Variants in EXOC6 observed in about 807,000 individuals in gnomAD.
EXOC6 encodes exocyst complex component 6.
In EXOC6, 60 loss-of-function variants were observed where a neutral mutation model predicts 112.5. The observed-to-expected ratio is 0.53, with a 90% CI of 0.43 to 0.66. The LOEUF (loss-of-function observed/expected upper bound fraction) is 0.66, where lower values mean the gene tolerates loss of function less well. EXOC6 is among the 30% of genes least tolerant of loss of function. The pLI, the probability that EXOC6 is intolerant of heterozygous loss-of-function variation, is 0.00. For missense variants in EXOC6, 855 were observed against 957.1 expected, an observed-to-expected ratio of 0.89 and a Z score of 1.41; for synonymous variants, 295 against 308.0, an observed-to-expected ratio of 0.96 and a Z score of 0.44.
chr10:93,056,275 C>T (rs979682495), intron 20 of EXOC6, among the ~76,000 whole-genome samples: 11 of 152,118 alleles, frequency 7.2e-5, no homozygotes, highest in Middle Eastern at 3.2e-3. Flanking sequence ...TAAGACACCA[C>T]GGGAAACAAG....
intron 14 of EXOC6, among the ~76,000 whole-genome samples, chr10:92,948,857 A>T (rs1853217548): frequency 6.6e-6 from 1 of 152,228 alleles, no homozygotes; most frequent in African/African-American, 2.4e-5. Context: ...TATTGGTTAA[A>T]TAAGTGATAT....
intron 1 of EXOC6, among the ~76,000 whole-genome samples, chr10:92,855,619 T>C (rs1847562561): frequency 6.6e-6 from 1 of 152,160 alleles, no homozygotes; most frequent in Non-Finnish European, 1.5e-5. Flanking sequence ...TTTTCTTGAG[T>C]TAGTTTTGAT....
chr10:93,047,903 G>A (rs1396042631), intron 20 of EXOC6, among the ~76,000 whole-genome samples: 11 of 151,718 alleles, frequency 7.3e-5, no homozygotes, highest in Admixed American at 5.9e-4. Flanking sequence ...CCAAGATCAC[G>A]CCACTGCACT....
At chr10:92,829,841 C>T (rs1410587127), upstream of EXOC6, among the ~76,000 whole-genome samples, 1 of 152,148 alleles carries the variant, frequency 6.6e-6, no homozygotes, top group Non-Finnish European at 1.5e-5. Flanking sequence ...ATGAGAGTGA[C>T]TTCTGATCAT....
intron 1 of EXOC6, among the ~76,000 whole-genome samples, chr10:92,878,921 G>A (rs1016413086): frequency 2.0e-5 from 3 of 152,042 alleles, no homozygotes; most frequent in Non-Finnish European, 4.4e-5. Flanking sequence ...ACAAACTGAG[G>A]CCACTTGTTA....
intron 20 of EXOC6, among the ~76,000 whole-genome samples, chr10:93,035,425 A>G (rs562821358): frequency 5.5e-4 from 84 of 152,360 alleles, no homozygotes; most frequent in African/African-American, 1.9e-3. Context: ...AAAATTGTTT[A>G]TGCTCACTGT....
intron 13 of EXOC6, among the ~76,000 whole-genome samples, chr10:92,946,612 C>T (rs1853026977): frequency 6.6e-6 from 1 of 152,106 alleles, no homozygotes; most frequent in Non-Finnish European, 1.5e-5. Context: ...CTTTTAATGC[C>T]TACAGAGTGA....
intron 20 of EXOC6, among the ~76,000 whole-genome samples, chr10:93,040,548 G>C (rs1260638811): frequency 2.0e-5 from 3 of 152,152 alleles, no homozygotes; most frequent in African/African-American, 7.2e-5. Context: ...CGCCCGGCCT[G>C]CTTTATCGTT....
intron 18 of EXOC6, among the ~76,000 whole-genome samples, chr10:92,988,800 T>TAC (rs67242778): frequency 0.087 from 12,460 of 142,922 alleles, 557 homozygotes; most frequent in East Asian, 0.11. Context: ...CTACAAAAAA[T>TAC]ACACACACAC....
intron 5 of EXOC6, among the ~76,000 whole-genome samples, chr10:92,906,876 T>C (rs1159402030): frequency 6.6e-6 from 1 of 152,178 alleles, no homozygotes; most frequent in Non-Finnish European, 1.5e-5. Flanking sequence ...TGTATTTTTC[T>C]AGTGGTTATG....
intron 17 of EXOC6, among the ~76,000 whole-genome samples, chr10:92,958,984 C>T (rs892202280): frequency 6.6e-6 from 1 of 152,080 alleles, no homozygotes; most frequent in Non-Finnish European, 1.5e-5. Context: ...ATCCCAGCTA[C>T]TCGGGAGGCT....
intron 6 of EXOC6, among the ~76,000 whole-genome samples, chr10:92,913,046 C>T (rs1044098485): frequency 6.6e-6 from 1 of 152,198 alleles, no homozygotes; most frequent in Non-Finnish European, 1.5e-5. Context: ...CTCATTCTGG[C>T]AGTCCAAACT....
chr10:92,967,151 G>T (rs1371176574), intron 17 of EXOC6, among the ~76,000 whole-genome samples: 2 of 150,678 alleles, frequency 1.3e-5, no homozygotes. Flanking sequence ...TTTTTTTCTT[G>T]TAAATTTGTT....
At chr10:93,053,816 C>G (rs936725294) in intron 20 of EXOC6, among the ~76,000 whole-genome samples, 3 of 152,224 alleles carry the variant, frequency 2.0e-5, no homozygotes, top group African/African-American at 7.2e-5. Context: ...AAGTTTGTTT[C>G]TATTTACTTG....
intron 1 of EXOC6, among the ~76,000 whole-genome samples, chr10:92,888,497 A>G (rs1444428669): frequency 6.6e-6 from 1 of 152,224 alleles, no homozygotes; most frequent in Non-Finnish European, 1.5e-5. Context: ...CAAAAGGGAT[A>G]ACAGTATCTC....
intron 1 of EXOC6, among the ~76,000 whole-genome samples, chr10:92,886,453 G>A (rs1448403280): frequency 1.3e-5 from 2 of 152,194 alleles, no homozygotes; most frequent in African/African-American, 4.8e-5. Flanking sequence ...GCACATCAGG[G>A]ATTCCCTATT....
rs774175805 is a variant in EXOC6 at position 93,058,211 on chromosome 10, A to AT, written c.2283-11dup. ...TCTTTTACCAAGCTTCTTCATTCAC[A>AT]TATGTTTCTAGGATGAAGGATACTA... On this transcript the variant is annotated splice_polypyrimidine_tract_variant and intron_variant, in intron 21 of 21. Coordinates refer to ENST00000260762, the MANE Select transcript of EXOC6 (RefSeq NM_019053.6). The AT allele has an allele frequency of 6.3e-7, 1 of 1,595,978 alleles. No individual in the cohort carries two copies. Among genetic ancestry groups the AT allele is most frequent in the Admixed American group, 1.9e-5 (1 of 53,934 alleles).
chr10:93,004,565 A>G (rs183883252), intron 19 of EXOC6, among the ~76,000 whole-genome samples: 15 of 152,310 alleles, frequency 9.8e-5, no homozygotes, highest in Admixed American at 9.8e-4. Flanking sequence ...TTCTGAGCTA[A>G]GTAGTTATTT....
chr10:92,884,908 A>G (rs181132993), intron 1 of EXOC6, among the ~76,000 whole-genome samples: 5 of 152,338 alleles, frequency 3.3e-5, no homozygotes, highest in Admixed American at 3.3e-4. Context: ...GAATTTGATT[A>G]CTAAGTCATT....
Sources: allele counts gnomAD v4.1 joint callset (sites outside exome capture counted in the v4.1 genomes callset), GRCh38; gene constraint gnomAD v4.1.1; transcripts MANE v1.5; gene names NCBI Gene and HGNC (gene_info 2026-07-23, HGNC 2026-07-21).